The following RSPRY1 variants were observed in gnomAD, a reference collection of about 807,000 sequenced individuals.
RSPRY1 encodes the protein ring finger and SPRY domain containing 1, also known as RING finger and SPRY domain-containing protein 1.
Under a neutral mutation model 73.1 loss-of-function variants are expected in RSPRY1, and 23 were observed. That is an observed-to-expected ratio of 0.31 (90% CI 0.23 to 0.45). RSPRY1 has a LOEUF of 0.45. Ranked by LOEUF, RSPRY1 falls within the 20% of genes least tolerant of loss-of-function variation. The pLI is 1.00. For missense variants in RSPRY1, 448 were observed against 698.7 expected, an observed-to-expected ratio of 0.64 and a Z score of 4.05; for synonymous variants, 226 against 251.4, an observed-to-expected ratio of 0.90 and a Z score of 0.95.
chr16:57,214,901 T>C (rs937907275), intron 6 of RSPRY1, among the ~76,000 whole-genome samples: 6 of 152,090 alleles, frequency 3.9e-5, no homozygotes, highest in Non-Finnish European at 7.4e-5. Context: ...TGGTGGCATG[T>C]GTGTGTAGTC....
chr16:57,222,520 T>G (rs1308932298), intron 10 of RSPRY1, among the ~76,000 whole-genome samples: 2 of 152,092 alleles, frequency 1.3e-5, no homozygotes, highest in African/African-American at 4.8e-5. Flanking sequence ...AGTGGAGAGG[T>G]CAAGTCTGTA....
intron 1 of RSPRY1, among the ~76,000 whole-genome samples, chr16:57,189,570 GTTTTTTC>G: frequency 6.9e-6 from 1 of 144,066 alleles, no homozygotes; most frequent in Admixed American, 7.0e-5. Context: ...CTTTTTTTCT[GTTTTTTC>G]TTTTTCTTTT....
At chr16:57,233,127 T>A (rs1327014123) in intron 13 of RSPRY1, among the ~76,000 whole-genome samples, 1 of 152,228 alleles carries the variant, frequency 6.6e-6, no homozygotes, top group East Asian at 1.9e-4. Flanking sequence ...GGCATCAGGG[T>A]AGGAGCTCAT....
Position 57,231,266 on chromosome 16 carries a change from C to G in RSPRY1, c.1476C>G (p.Ser492Arg). Reference sequence around the variant, plus strand: ...AATACCCACCATCTATGAAATTTAGCACTTTTAATGACTACGCCTTCCTAA... The same window carrying G: ...AATACCCACCATCTATGAAATTTAGGACTTTTAATGACTACGCCTTCCTAA... ...PFKYPPSMKFSTFNDYAFLTA... is the reference protein window; with the variant it reads ...PFKYPPSMKFRTFNDYAFLTA... Residue 492 changes from serine (S) to arginine (R), a missense_variant, in exon 13 of 15, where the codon AGC becomes AGG. Coordinates refer to ENST00000394420, the MANE Select transcript of RSPRY1 (RefSeq NM_133368.3). The G allele has an allele frequency of 6.2e-7, 1 of 1,613,846 alleles. No homozygotes were observed. Among genetic ancestry groups the G allele is most frequent in the South Asian group, 1.1e-5 (1 of 91,074 alleles).
intron 1 of RSPRY1, among the ~76,000 whole-genome samples, chr16:57,191,960 G>A (rs1288187622): frequency 6.6e-6 from 1 of 152,100 alleles, no homozygotes; most frequent in Non-Finnish European, 1.5e-5. Flanking sequence ...GGAGCATGAG[G>A]GACCTTTTTC....
chr16:57,224,960 C>T lies in RSPRY1; in HGVS notation c.1162-2382C>T, dbSNP rs142744247. Among the ~76,000 whole-genome samples, 606 of 152,380 alleles carry T rather than the reference C, an allele frequency of 4.0e-3. 3 individuals carry two copies. Among genetic ancestry groups the T allele is most frequent in the African/African-American group, 0.013 (561 of 41,580 alleles). On this transcript the variant is annotated intron_variant, in intron 10 of 14. Transcript: ENST00000394420. ...AATTGCTTGCCTTTTACTTATGCCA[C>T]AATGCCTACATTTTAGTGGTTTTTA...
intron 1 of RSPRY1, among the ~76,000 whole-genome samples, chr16:57,200,659 G>T (rs1597865387): frequency 7.3e-6 from 1 of 136,120 alleles, no homozygotes; most frequent in Non-Finnish European, 1.6e-5. Flanking sequence ...GCCGGGCGGG[G>T]GGCTGACCCC....
rs1424671290 is a variant in RSPRY1, at chr16:57,216,147, T to C, written c.743T>C (p.Ile248Thr). The change falls in exon 7 of 15, where the codon ATC (isoleucine) becomes ACC (threonine). Residue 248 changes from isoleucine (I) to threonine (T), a missense_variant. By Grantham distance (89) the Ile-to-Thr change is moderately conservative. Transcript: ENST00000394420. ...CCCACAGTCATGCTTTTTGCACTTA[T>C]CGCACTGGAAAAGTTTGCACAGACA... ...SHPTVMLFALIALEKFAQTSE... is the reference protein window; with the variant it reads ...SHPTVMLFALTALEKFAQTSE... The C allele has an allele frequency of 4.3e-6, 7 of 1,612,758 alleles. No homozygotes were observed. Among genetic ancestry groups the C allele is most frequent in the East Asian group, 2.2e-5 (1 of 44,858 alleles).
At position 57,204,862 on chromosome 16, in the gene RSPRY1, A is replaced by G. The variant is rs2074694409; in HGVS notation, c.204A>G (p.Val68=). The change falls in exon 2 of 15, where the codon GTA becomes GTG. Residue 68 remains valine (V), a synonymous_variant. Coordinates refer to ENST00000394420, the MANE Select transcript of RSPRY1 (RefSeq NM_133368.3). The stretch of plus-strand genomic sequence containing the variant: ...AGCAACAGGCCGAGAACAGTGCAGT[A>G]CCCACTGCTGACACAAGGAGCCAAC... The part of the protein sequence containing the change: ...TQQQQAENSA[V]PTADTRSQPR... The G allele has an allele frequency of 1.2e-6, 2 of 1,614,170 alleles. No individual in the cohort carries two copies. Among genetic ancestry groups the G allele is most frequent in the East Asian group, 4.5e-5 (2 of 44,880 alleles).
chr16:57,205,977 A>G (rs771147930), intron 2 of RSPRY1, among the ~76,000 whole-genome samples: 2 of 152,246 alleles, frequency 1.3e-5, no homozygotes, highest in African/African-American at 2.4e-5. Context: ...AATCGCATTT[A>G]TAGAAACCCA....
At chr16:57,233,074 T>C (rs2075250024) in intron 13 of RSPRY1, among the ~76,000 whole-genome samples, 1 of 152,230 alleles carries the variant, frequency 6.6e-6, no homozygotes, top group Non-Finnish European at 1.5e-5. Context: ...CAAAAATGTA[T>C]ATTCAGTGAT....
intron 6 of RSPRY1, 80 bp downstream of exon 6, chr16:57,214,026 C>T (rs1597896367): frequency 2.1e-6 from 2 of 936,524 alleles, no homozygotes. Flanking sequence ...TCTCAAATTG[C>T]TGGCATAGCC....
In RSPRY1 at chr16:57,231,190, G is replaced by A; in HGVS notation, c.1400G>A (p.Ser467Asn). The A allele has an allele frequency of 1.2e-6, 2 of 1,613,190 alleles. No individual in the cohort carries two copies. ...AGATCTGGATTTTTTGCTGCAGCTAGTTTCATGTCATATCAACAATGTGAG... is the reference window on the plus strand; with the variant it reads ...AGATCTGGATTTTTTGCTGCAGCTAATTTCATGTCATATCAACAATGTGAG... ...STVSGFFAAA[S>N]FMSYQQCEFN... The change falls in exon 13 of 15, where the codon AGT becomes AAT. Residue 467 changes from serine (S) to asparagine (N), a missense_variant. Physicochemically the swap from Ser to Asn is conservative, Grantham distance 46. Transcript: ENST00000394420.
intron 1 of RSPRY1, among the ~76,000 whole-genome samples, chr16:57,197,883 C>T (rs1234913173): frequency 6.7e-6 from 1 of 150,356 alleles, no homozygotes; most frequent in Non-Finnish European, 1.5e-5. Flanking sequence ...ACTACCATGC[C>T]CAGCTAATTT....
At chr16:57,225,341 G>A (rs529654915) in intron 10 of RSPRY1, among the ~76,000 whole-genome samples, 34 of 152,340 alleles carry the variant, frequency 2.2e-4, no homozygotes, top group African/African-American at 7.9e-4. Context: ...ATGAGCCACT[G>A]CTCTTGGCAG....
At position 57,229,281 on chromosome 16, in the gene RSPRY1, A is replaced by G. The variant is rs538510108; in HGVS notation, c.1274-1430A>G. 1.6e-4 allele frequency among the ~76,000 whole-genome samples: 25 copies of G among 152,254 alleles called. 1 individual carries two copies. The highest frequency in any genetic ancestry group is 3.9e-4 in the Admixed American group (6 of 15,290). ...GTAATTTCATTTGTTTATCTTTGAC[A>G]GACAAATTTGTTTATCTCATCTTTC... On this transcript the variant is annotated intron_variant, in intron 11 of 14. Transcript: ENST00000394420.
At chr16:57,213,763 C>A in intron 5 of RSPRY1, 125 bp from the exon 6 acceptor site, 2 of 749,732 alleles carry the variant, frequency 2.7e-6, no homozygotes, top group Non-Finnish European at 2.3e-6. Context: ...TTTTCTACCT[C>A]AGAGCAGGAG....
Position 57,239,960 on chromosome 16 carries a change from A to G in RSPRY1, c.*985A>G, listed in dbSNP as rs925361914. The G allele has an allele frequency of 2.6e-5, 4 of 152,222 alleles. No homozygotes were observed. The highest frequency in any genetic ancestry group is 5.9e-5 in the Non-Finnish European group (4 of 68,040). 9.4% of individuals were successfully genotyped at this position (152,222 alleles called of 1,614,324 possible). A position where few individuals can be genotyped will look rare whatever the true frequency, so the allele number is the denominator to read the frequency against. ...TAAATACATGTTTTTGAATAGTTCA[A>G]TCATGAATTATTGACTATGTCTTCA... On this transcript the variant is annotated 3_prime_UTR_variant, in exon 15 of 15. Transcript: ENST00000394420.
intron 1 of RSPRY1, among the ~76,000 whole-genome samples, chr16:57,194,034 C>T (rs2074395712): frequency 6.6e-6 from 1 of 151,578 alleles, no homozygotes; most frequent in Non-Finnish European, 1.5e-5. Context: ...CCAGTGCACT[C>T]CATCCTGGGC....
Sources: gnomAD v4.1 joint callset for allele counts (sites outside exome capture counted in the v4.1 genomes callset) on GRCh38, gnomAD v4.1.1 for gene constraint, MANE v1.5 for transcripts, NCBI Gene and HGNC (gene_info 2026-07-23, HGNC 2026-07-21) for gene names.